TRPC1: variants seen among roughly 807,000 people sequenced by gnomAD.
TRPC1 encodes transient receptor potential cation channel subfamily C member 1.
TRPC1 carries 42 observed loss-of-function variants against 88.2 expected under a neutral mutation model. That is an observed-to-expected ratio of 0.48 (90% CI 0.37 to 0.62). The LOEUF (loss-of-function observed/expected upper bound fraction) is 0.62. Among genes scored for constraint, TRPC1 ranks in the 20% least tolerant of loss-of-function variants. The pLI is 0.00. For synonymous variants in TRPC1, 288 were observed against 331.8 expected, an observed-to-expected ratio of 0.87 and a Z score of 1.43; for missense variants, 699 against 957.3, an observed-to-expected ratio of 0.73 and a Z score of 3.56.
In TRPC1 at chr3:142,736,430, T is replaced by G. The variant is rs964445522; in HGVS notation, c.224T>G (p.Leu75Trp). The change falls in exon 2 of 13, where the codon TTG becomes TGG. Residue 75 changes from leucine to tryptophan, a missense_variant. Around this residue, in one of 4 missense-constraint regions of TRPC1, gnomAD observed 157 missense variants for 127.0 expected, o/e 1.24. Coordinates refer to ENST00000476941, the MANE Select transcript of TRPC1 (RefSeq NM_001251845.2). ...TTGGAGGAAAACAGTTCAGGTGACT[T>G]GAACATAAATTGCGTAGATGTGCTT... Reference protein sequence around the residue: ...KILEENSSGDLNINCVDVLGR... With the variant: ...KILEENSSGDWNINCVDVLGR... 3.7e-6 allele frequency: 6 copies of G among 1,612,036 alleles called. No individual in the cohort carries two copies. Among genetic ancestry groups the G allele is most frequent in the Non-Finnish European group, 5.1e-6 (6 of 1,179,360 alleles).
chr3:142,766,619 G>A (rs2108086606), intron 4 of TRPC1, among the ~76,000 whole-genome samples: 1 of 152,024 alleles, frequency 6.6e-6, no homozygotes, highest in Non-Finnish European at 1.5e-5. Context: ...GATCTCAGGT[G>A]ATTCACCCAC....
chr3:142,788,650 A>G (rs1936205766), intron 7 of TRPC1, among the ~76,000 whole-genome samples: 1 of 152,172 alleles, frequency 6.6e-6, no homozygotes, highest in Admixed American at 6.6e-5. Context: ...AGACACAAGG[A>G]GAAAGATAAA....
intron 9 of TRPC1, chr3:142,793,712 C>G (rs183077425): frequency 2.7e-4 from 113 of 424,968 alleles, no homozygotes; most frequent in African/African-American, 2.4e-3. Flanking sequence ...AATACTATAG[C>G]TTATTATTTC....
At position 142,724,432 on chromosome 3, in the gene TRPC1, G is replaced by C. The variant is rs1933567869; in HGVS notation, c.-128G>C. The C allele has an allele frequency of 2.1e-6, 2 of 935,246 alleles. No homozygotes were observed. The highest frequency in any genetic ancestry group is 3.5e-5 in the Admixed American group (1 of 28,184). 57.9% of individuals were successfully genotyped at this position (935,246 alleles called of 1,614,324 possible). ...ACGCCCTTCGGGGCCAACGGGCCTC[G>C]AGCCGAGGCAGCAGTGGGAACGACT... On this transcript the variant is annotated 5_prime_UTR_variant, in exon 1 of 13. Coordinates refer to ENST00000476941, the MANE Select transcript of TRPC1 (RefSeq NM_001251845.2). This position sits in a 1 kb window ranked among gnomAD's most constrained non-coding sequence, Gnocchi z 5.6.
chr3:142,783,566 TTGTG>T (rs1353043949), intron 6 of TRPC1, among the ~76,000 whole-genome samples: 1 of 152,192 alleles, frequency 6.6e-6, no homozygotes, highest in African/African-American at 2.4e-5. Flanking sequence ...ATTTGGAACT[TTGTG>T]AATTTTTTCT....
At chr3:142,743,462 T>G (rs1470923988) in intron 2 of TRPC1, 23 bp from the exon 3 acceptor site, 3 of 1,457,872 alleles carry the variant, frequency 2.1e-6, no homozygotes, top group Non-Finnish European at 2.7e-6. Context: ...CATTTTCATT[T>G]TTAACTTTTT....
chr3:142,801,731 G>T (rs1936624843), intron 9 of TRPC1, among the ~76,000 whole-genome samples: 2 of 152,016 alleles, frequency 1.3e-5, no homozygotes, highest in South Asian at 4.1e-4. Flanking sequence ...GTTTAGAATT[G>T]GTTTCAAAAA....
At chr3:142,753,808 GA>G (rs1394046714) in intron 4 of TRPC1, among the ~76,000 whole-genome samples, 4 of 151,494 alleles carry the variant, frequency 2.6e-5, no homozygotes, top group Non-Finnish European at 5.9e-5. Flanking sequence ...GTAAGAAAGT[GA>G]GATGGCTGGA....
chr3:142,727,219 TCAGTAGCAC>T, intron 1 of TRPC1, among the ~76,000 whole-genome samples: 1 of 152,342 alleles, frequency 6.6e-6, no homozygotes, highest in East Asian at 1.9e-4. Flanking sequence ...GCATGGTACT[TCAGTAGCAC>T]CAGAGTAAAT....
At chr3:142,775,032 CATT>C (rs1411869333) in intron 4 of TRPC1, among the ~76,000 whole-genome samples, 1 of 152,074 alleles carries the variant, frequency 6.6e-6, no homozygotes, top group African/African-American at 2.4e-5. Flanking sequence ...TTAATGTAGA[CATT>C]GTTGGAAATG....
intron 6 of TRPC1, among the ~76,000 whole-genome samples, chr3:142,783,589 T>C (rs2108123289): frequency 6.6e-6 from 1 of 152,306 alleles, no homozygotes; most frequent in East Asian, 1.9e-4. Context: ...CTTCCAAATA[T>C]TGTTGATCCA....
chr3:142,786,258 A>T (rs1367535757), intron 7 of TRPC1, among the ~76,000 whole-genome samples: 1 of 152,142 alleles, frequency 6.6e-6, no homozygotes, highest in African/African-American at 2.4e-5. Flanking sequence ...GAGTGTATTT[A>T]TCTTTTGATT....
intron 4 of TRPC1, among the ~76,000 whole-genome samples, chr3:142,770,062 T>C (rs1188552567): frequency 6.6e-6 from 1 of 151,570 alleles, no homozygotes; most frequent in Non-Finnish European, 1.5e-5. Context: ...CTGTTGTTAG[T>C]TGTATATATA....
intron 4 of TRPC1, among the ~76,000 whole-genome samples, 165 bp from the exon 5 acceptor site, chr3:142,777,467 T>G (rs1206826033): frequency 6.6e-6 from 1 of 152,128 alleles, no homozygotes; most frequent in Non-Finnish European, 1.5e-5. Flanking sequence ...TCTCAAAATA[T>G]TTGTTTTAAG....
At chr3:142,777,223 C>A (rs1197766728) in intron 4 of TRPC1, among the ~76,000 whole-genome samples, 1 of 151,954 alleles carries the variant, frequency 6.6e-6, no homozygotes, top group Non-Finnish European at 1.5e-5. Context: ...ATCCCTTGGC[C>A]CAGGTGTTCG....
intron 4 of TRPC1, among the ~76,000 whole-genome samples, chr3:142,771,377 C>T (rs887386751): frequency 2.0e-5 from 3 of 151,982 alleles, no homozygotes; most frequent in Admixed American, 6.6e-5. Flanking sequence ...GGTTTTGCCA[C>T]GTTGCCCAGG....
At chr3:142,758,771 G>C (rs1372132518) in intron 4 of TRPC1, among the ~76,000 whole-genome samples, 2 of 151,558 alleles carry the variant, frequency 1.3e-5, no homozygotes, top group African/African-American at 2.4e-5. Flanking sequence ...TTGGTGTGCT[G>C]CACCGGTTAA....
chr3:142,761,536 T>C (rs183063603), intron 4 of TRPC1, among the ~76,000 whole-genome samples: 13 of 152,322 alleles, frequency 8.5e-5, no homozygotes, highest in Non-Finnish European at 1.8e-4. Flanking sequence ...GTAGTTTTCT[T>C]TTTTTGTTGG....
chr3:142,775,357 G>A (rs879749045), intron 4 of TRPC1, among the ~76,000 whole-genome samples: 9 of 152,108 alleles, frequency 5.9e-5, no homozygotes, highest in Admixed American at 2.0e-4. Context: ...TATTTAAGTC[G>A]CCTGTAATCC....
Sources: allele counts gnomAD v4.1 joint callset (sites outside exome capture counted in the v4.1 genomes callset), GRCh38; gene constraint gnomAD v4.1.1; regional missense constraint gnomAD v4.1.1; non-coding constraint Gnocchi (gnomAD v3.1); transcripts MANE v1.5; gene names NCBI Gene and HGNC (gene_info 2026-07-23, HGNC 2026-07-21).